The following RICTOR variants were observed in gnomAD, a reference collection of about 807,000 sequenced individuals.
RICTOR encodes the protein RPTOR independent companion of MTOR complex 2.
A neutral mutation model predicts 214.9 loss-of-function variants in RICTOR; 49 were observed. The observed-to-expected ratio is 0.23, with a 90% CI of 0.18 to 0.29. RICTOR has a LOEUF of 0.29. Among genes scored for constraint, RICTOR ranks in the 10% least tolerant of loss-of-function variants. The pLI is 1.00. For missense variants in RICTOR, 1,625 were observed against 2,047.0 expected (o/e 0.79, Z 3.98); for synonymous variants, 717 against 711.3 (o/e 1.01, Z -0.13).
chr5:39,071,890 G>A (rs1759354335), intron 2 of RICTOR, among the ~76,000 whole-genome samples: 1 of 152,182 alleles, frequency 6.6e-6, no homozygotes, highest in Non-Finnish European at 1.5e-5. Flanking sequence ...TTTACATACT[G>A]TAATCTAATC....
Position 39,003,597 on chromosome 5 carries a change from T to C in RICTOR, c.221A>G (p.Glu74Gly). 6.2e-7 allele frequency: 1 copy of C among 1,609,856 alleles called. No individual in the cohort carries two copies. The highest frequency in any genetic ancestry group is 2.2e-5 in the East Asian group (1 of 44,682). Residue 74 changes from glutamate (E) to glycine (G), a missense_variant, in exon 4 of 38, where the codon GAA becomes GGA. Glu to Gly is a moderately conservative substitution (Grantham distance 98). Transcript: ENST00000357387. Reference protein sequence around the residue: ...TKLLCDIGHSEEKLGFHYEDI... With the variant: ...TKLLCDIGHSGEKLGFHYEDI... ...CTCATAGTGAAAGCCCAGTTTTTCT[T>C]CACTGTGGCCAATATCACAAAGAAG...
chr5:38,945,630 T>G lies in RICTOR; in HGVS notation c.4494A>C (p.Ser1498=), dbSNP rs777852200. The G allele has an allele frequency of 2.5e-5, 41 of 1,613,706 alleles. No homozygotes were observed. Among genetic ancestry groups the G allele is most frequent in the Non-Finnish European group, 1.9e-5 (22 of 1,179,694 alleles). ...TACTTTCTAAAAACAGAGAGGCATC[T>G]GAATGGATTGAATTCATTATTTCCG... is the stretch of plus-strand genomic sequence containing the variant. ...SLTEIMNSIH[S]DASLFLESTE... The change falls in exon 34 of 38, where the codon TCA becomes TCC. Residue 1498 remains serine, a synonymous_variant. Coordinates refer to ENST00000357387, the MANE Select transcript of RICTOR (RefSeq NM_152756.5).
At chr5:39,028,199 T>TTG (rs1298003469) in intron 2 of RICTOR, among the ~76,000 whole-genome samples, 1 of 142,922 alleles carries the variant, frequency 7.0e-6, no homozygotes, top group Non-Finnish European at 1.5e-5. Flanking sequence ...TTTTTTTTTT[T>TTG]TGAGACGGAG....
rs1366075933 is a variant in RICTOR, at chr5:38,960,400, CTTCAGA to C, written c.1843_1848del (p.Ser615_Glu616del). 1.2e-6 allele frequency: 2 copies of C among 1,613,400 alleles called. No individual in the cohort carries two copies. Among genetic ancestry groups the C allele is most frequent in the South Asian group, 2.2e-5 (2 of 90,936 alleles). The stretch of plus-strand genomic sequence containing the variant: ...TGGAAAATATTCAGAATGCCCACCT[CTTCAGA>C]TTCAAGAAGAAATTCTGTAAACTGG... On this transcript the variant is annotated inframe_deletion, in exon 20 of 38. Coordinates refer to ENST00000357387, the MANE Select transcript of RICTOR (RefSeq NM_152756.5).
intron 3 of RICTOR, among the ~76,000 whole-genome samples, chr5:39,018,924 A>G (rs1755175741): frequency 6.6e-6 from 1 of 152,180 alleles, no homozygotes; most frequent in Non-Finnish European, 1.5e-5. Flanking sequence ...AAAGTTCTTG[A>G]AGAAAATTAA....
At chr5:39,028,495 C>T (rs1199555892) in intron 2 of RICTOR, among the ~76,000 whole-genome samples, 1 of 152,126 alleles carries the variant, frequency 6.6e-6, no homozygotes, top group Non-Finnish European at 1.5e-5. Context: ...AATTCTTACA[C>T]ACTGTTGGAG....
intron 5 of RICTOR, among the ~76,000 whole-genome samples, chr5:39,001,460 C>T (rs186761869): frequency 3.9e-5 from 6 of 152,098 alleles, no homozygotes; most frequent in Admixed American, 3.3e-4. Flanking sequence ...TAAGATGGTT[C>T]AAAGACTTAA....
chr5:38,978,903 T>A (rs1415378596), intron 8 of RICTOR, among the ~76,000 whole-genome samples: 10 of 152,304 alleles, frequency 6.6e-5, no homozygotes, highest in Admixed American at 1.3e-4. Flanking sequence ...CACACTCATG[T>A]AACTAGCACA....
At chr5:38,990,635 C>CAGATATATA (rs1561501619) in intron 7 of RICTOR, among the ~76,000 whole-genome samples, 1 of 46,066 alleles carries the variant, frequency 2.2e-5, no homozygotes, top group African/African-American at 7.9e-5. Flanking sequence ...ATATATATAT[C>CAGATATATA]TGACATATAT....
intron 2 of RICTOR, among the ~76,000 whole-genome samples, chr5:39,051,854 C>T (rs189341307): frequency 6.6e-6 from 1 of 152,262 alleles, no homozygotes; most frequent in African/African-American, 2.4e-5. Flanking sequence ...GAGTGATATG[C>T]TAATTTTCTA....
chr5:38,998,972 C>T (rs764892486), intron 5 of RICTOR, among the ~76,000 whole-genome samples: 21 of 145,346 alleles, frequency 1.4e-4, no homozygotes, highest in Non-Finnish European at 1.9e-4. Context: ...GCCGAGATTG[C>T]GCCACTGCAC....
intron 6 of RICTOR, among the ~76,000 whole-genome samples, chr5:38,994,345 T>C (rs532725711): frequency 1.5e-5 from 2 of 133,848 alleles, no homozygotes; most frequent in South Asian, 2.4e-4. Flanking sequence ...AAATACAAAA[T>C]GGGAAATAAC....
intron 2 of RICTOR, among the ~76,000 whole-genome samples, chr5:39,025,061 C>T (rs539221041): frequency 2.6e-4 from 39 of 152,054 alleles, no homozygotes; most frequent in Non-Finnish European, 3.1e-4. Flanking sequence ...GTGATGATAA[C>T]TCAACAATGA....
chr5:39,053,906 A>C (rs866765345), intron 2 of RICTOR, among the ~76,000 whole-genome samples: 165 of 126,292 alleles, frequency 1.3e-3, no homozygotes, highest in African/African-American at 3.1e-3. Flanking sequence ...AAAAAAAAAA[A>C]CCCGTCTCTA....
chr5:39,074,106 G>T lies in RICTOR; in HGVS notation c.97+5C>A. The T allele has an allele frequency of 6.4e-7, 1 of 1,561,814 alleles. No homozygotes were observed. Among genetic ancestry groups the T allele is most frequent in the Non-Finnish European group, 8.6e-7 (1 of 1,156,934 alleles). On this transcript the variant is annotated splice_donor_5th_base_variant and intron_variant, in intron 2 of 37. Transcript: ENST00000357387. ...CCTCGCGGCGCCCGCGGCGCCCCGC[G>T]TTACCTCGGGTCAGATCCAGCGGGA...
intron 6 of RICTOR, among the ~76,000 whole-genome samples, chr5:38,992,302 A>G (rs1402183539): frequency 6.6e-6 from 1 of 152,174 alleles, no homozygotes. Context: ...TAGGAAATCA[A>G]TCTTCCTGGG....
At chr5:38,960,687 C>T (rs1387816116) in intron 19 of RICTOR, among the ~76,000 whole-genome samples, 154 bp from the exon 20 acceptor site, 1 of 152,118 alleles carries the variant, frequency 6.6e-6, no homozygotes, top group Non-Finnish European at 1.5e-5. Flanking sequence ...GTGTTTGGTA[C>T]ATGATATGGT....
chr5:39,030,587 T>TA (rs564902633), intron 2 of RICTOR, among the ~76,000 whole-genome samples: 1 of 152,072 alleles, frequency 6.6e-6, no homozygotes, highest in Non-Finnish European at 1.5e-5. Context: ...AACAGGACAG[T>TA]AAAAAAACAG....
At chr5:39,047,717 T>A (rs1229644319) in intron 2 of RICTOR, among the ~76,000 whole-genome samples, 1 of 152,174 alleles carries the variant, frequency 6.6e-6, no homozygotes, top group Non-Finnish European at 1.5e-5. Context: ...TGAGTTTAGG[T>A]CACGTCAGTT....
Sources: gnomAD v4.1 joint callset for allele counts (sites outside exome capture counted in the v4.1 genomes callset) on GRCh38, gnomAD v4.1.1 for gene constraint, MANE v1.5 for transcripts, NCBI Gene and HGNC (gene_info 2026-07-23, HGNC 2026-07-21) for gene names.